GREB1: variants seen among roughly 807,000 people sequenced by gnomAD.
GREB1 encodes growth regulating estrogen receptor binding 1.
Under a neutral mutation model 200.7 loss-of-function variants are expected in GREB1, and 106 were observed. That is an observed-to-expected ratio of 0.53 (90% CI 0.45 to 0.62). The LOEUF (loss-of-function observed/expected upper bound fraction) is 0.62. Among genes scored for constraint, GREB1 ranks in the 20% least tolerant of loss-of-function variants. The pLI, the probability that GREB1 is intolerant of heterozygous loss-of-function variation, is 0.00. For synonymous variants in GREB1, 1,132 were observed against 1,092.4 expected, an observed-to-expected ratio of 1.04 and a Z score of -0.72; for missense variants, 2,243 against 2,556.8, an observed-to-expected ratio of 0.88 and a Z score of 2.65.
intron 15 of GREB1, 105 bp from the exon 16 acceptor site, chr2:11,600,695 C>T (rs954319089): frequency 8.0e-6 from 7 of 869,950 alleles, no homozygotes; most frequent in African/African-American, 6.7e-5. Context: ...AATCTTTAGT[C>T]GTTGGTAAAG....
At chr2:11,569,801 C>A (rs2147985309) in intron 4 of GREB1, among the ~76,000 whole-genome samples, 1 of 152,300 alleles carries the variant, frequency 6.6e-6, no homozygotes, top group East Asian at 1.9e-4. Flanking sequence ...GCAGAGGGAC[C>A]TCCCTGTACA....
At chr2:11,630,174 T>C (rs1684772705) in intron 26 of GREB1, 65 bp downstream of exon 26, 1 of 1,516,552 alleles carries the variant, frequency 6.6e-7, no homozygotes, top group Non-Finnish European at 9.1e-7. Flanking sequence ...AGCCGGGGAC[T>C]AGAGACAGAG....
chr2:11,489,376 T>C (rs1321941451), intron 1 of GREB1, among the ~76,000 whole-genome samples: 1 of 152,178 alleles, frequency 6.6e-6, no homozygotes, highest in African/African-American at 2.4e-5. Flanking sequence ...GGAGAATTGC[T>C]TAAACCCCGG....
At chr2:11,484,733 T>G (rs1439921869) in intron 1 of GREB1, among the ~76,000 whole-genome samples, 2 of 152,234 alleles carry the variant, frequency 1.3e-5, no homozygotes, top group East Asian at 3.9e-4. Flanking sequence ...CAGTGAGTTA[T>G]GATCGTGCCA....
chr2:11,632,889 G>C lies in GREB1; in HGVS notation c.4817G>C (p.Gly1606Ala). ...LPSIFNSAGVGAAHFLIKELS... is the reference protein window; with the variant it reads ...LPSIFNSAGVAAAHFLIKELS... ...AGTCCAGGTGCTTTGCCCACTGCAG[G>C]TGCTGCTCATTTCCTCATCAAGGAG... The change falls in exon 28 of 33, where the codon GGT (glycine) becomes GCT (alanine). Residue 1606 changes from glycine (G) to alanine (A), a missense_variant and splice_region_variant. Around this residue, in one of 3 missense-constraint regions of GREB1, gnomAD observed 478 missense variants for 616.3 expected, o/e 0.78. Coordinates refer to ENST00000381486, the MANE Select transcript of GREB1 (RefSeq NM_014668.4). The C allele has an allele frequency of 6.2e-7, 1 of 1,613,520 alleles. No homozygotes were observed. The highest frequency in any genetic ancestry group is 8.5e-7 in the Non-Finnish European group (1 of 1,179,730).
intron 2 of GREB1, 60 bp from the exon 3 acceptor site, chr2:11,562,403 G>T (rs957778129): frequency 7.5e-6 from 12 of 1,599,570 alleles, no homozygotes; most frequent in Middle Eastern, 1.7e-4. Context: ...AAAGGCCCTG[G>T]GGGAAGCTCT....
intron 1 of GREB1, among the ~76,000 whole-genome samples, chr2:11,486,464 T>C (rs1672658218): frequency 6.6e-6 from 1 of 152,116 alleles, no homozygotes; most frequent in Non-Finnish European, 1.5e-5. Context: ...TGTAGTACTT[T>C]AAAGCTAATT....
chr2:11,574,286 G>C (rs1388238095), intron 4 of GREB1, among the ~76,000 whole-genome samples: 1 of 152,218 alleles, frequency 6.6e-6, no homozygotes. Context: ...CGAGCTTAGA[G>C]GAATAATGAT....
At chr2:11,574,332 C>G (rs913416824) in intron 4 of GREB1, among the ~76,000 whole-genome samples, 4 of 152,188 alleles carry the variant, frequency 2.6e-5, no homozygotes, top group African/African-American at 9.6e-5. Flanking sequence ...CTGGGATGTT[C>G]AGAGGCCCCT....
intron 17 of GREB1, among the ~76,000 whole-genome samples, chr2:11,608,168 T>TA (rs1318971690): frequency 2.6e-5 from 4 of 152,318 alleles, no homozygotes; most frequent in African/African-American, 9.6e-5. Flanking sequence ...ACAAAGATCA[T>TA]AGCTCCCATG....
chr2:11,552,729 T>G (rs184452165), intron 1 of GREB1, among the ~76,000 whole-genome samples: 14 of 152,082 alleles, frequency 9.2e-5, no homozygotes, highest in Non-Finnish European at 2.1e-4. Flanking sequence ...GAGCCGCAGT[T>G]GGCCGGGCGC....
intron 7 of GREB1, 192 bp downstream of exon 7, chr2:11,581,024 G>T: frequency 1.4e-6 from 1 of 731,062 alleles, no homozygotes; most frequent in Non-Finnish European, 2.5e-6. Context: ...TGCTCTATGA[G>T]TGACACTTGG....
chr2:11,550,125 G>A (rs1249916882), intron 1 of GREB1, among the ~76,000 whole-genome samples: 1 of 152,208 alleles, frequency 6.6e-6, no homozygotes, highest in African/African-American at 2.4e-5. Flanking sequence ...GGCTGAGGCA[G>A]GAGAATCGCT....
In GREB1 at chr2:11,630,043, C is replaced by G; in HGVS notation, c.4545C>G (p.His1515Gln). The change falls in exon 26 of 33, where the codon CAC becomes CAG. Residue 1515 changes from histidine (H) to glutamine (Q), a missense_variant. Transcript: ENST00000381486. Reference protein sequence around the residue: ...LHFIIPKSKEHHFVFSQPGGQ... With the variant: ...LHFIIPKSKEQHFVFSQPGGQ... ...TCATCATCCCCAAGTCCAAGGAGCACCACTTTGTCTTCAGCCAACCTGGAG... is the reference window on the plus strand; with the variant it reads ...TCATCATCCCCAAGTCCAAGGAGCAGCACTTTGTCTTCAGCCAACCTGGAG... 1 of 1,614,214 alleles carries G rather than the reference C, an allele frequency of 6.2e-7. No homozygotes were observed.
At position 11,598,565 on chromosome 2, in the gene GREB1, T is replaced by C. The variant is rs1050317367; in HGVS notation, c.2153-115T>C. ...TTCCCTTCCTTTCCCTGCTCTTGCA[T>C]CTCTGAGTCTAGCTCAGGACCTGCT... On this transcript the variant is annotated intron_variant, in intron 14 of 32. Transcript: ENST00000381486. 10 of 882,876 alleles carry C rather than the reference T, an allele frequency of 1.1e-5. No homozygotes were observed. In the African/African-American group the frequency reaches 1.3e-4, roughly 12 times the overall value. 54.7% of individuals were successfully genotyped at this position (882,876 alleles called of 1,614,324 possible). A position where few individuals can be genotyped will look rare whatever the true frequency, so the allele number is the denominator to read the frequency against.
intron 4 of GREB1, among the ~76,000 whole-genome samples, chr2:11,568,121 C>A (rs937637898): frequency 1.6e-4 from 24 of 152,194 alleles, no homozygotes; most frequent in Non-Finnish European, 4.4e-5. Context: ...GGAAAAACTT[C>A]TAAGTTGAAA....
At chr2:11,552,181 C>T (rs1675919490) in intron 1 of GREB1, among the ~76,000 whole-genome samples, 1 of 152,220 alleles carries the variant, frequency 6.6e-6, no homozygotes, top group South Asian at 2.1e-4. Context: ...CGGCCATCAT[C>T]ACTGCCCTGA....
chr2:11,608,906 T>C (rs1044018035), intron 17 of GREB1, among the ~76,000 whole-genome samples: 1 of 152,218 alleles, frequency 6.6e-6, no homozygotes, highest in Non-Finnish European at 1.5e-5. Flanking sequence ...CTAGCTGCCT[T>C]GGCTTTCCCG....
rs563859811 is a variant in GREB1, at chr2:11,492,099, G to A, written c.-159+9718G>A. 4.6e-5 allele frequency among the ~76,000 whole-genome samples: 7 copies of A among 152,088 alleles called. No homozygotes were observed. The highest frequency in any genetic ancestry group is 8.8e-5 in the Non-Finnish European group (6 of 68,022). On this transcript the variant is annotated intron_variant, in intron 1 of 2. Coordinates refer to the GREB1 transcript ENST00000628795. This position sits in a 1 kb window ranked among gnomAD's most constrained non-coding sequence, Gnocchi z 4.0. ...TGGATTCCCCATGGCTCTTCCAGCC[G>A]TCTGGTTGACTCCCTGCCTGGCTAC...
Sources: gnomAD v4.1 joint callset for allele counts (sites outside exome capture counted in the v4.1 genomes callset) on GRCh38, gnomAD v4.1.1 for gene constraint, gnomAD v4.1.1 regional missense constraint, Gnocchi (gnomAD v3.1) non-coding constraint, MANE v1.5 for transcripts, NCBI Gene and HGNC (gene_info 2026-07-23, HGNC 2026-07-21) for gene names.